Variants in R3HDM2 observed in about 807,000 individuals in gnomAD.
R3HDM2 encodes R3H domain containing 2, also known as R3H domain-containing protein 2.
Under a neutral mutation model 124.5 loss-of-function variants are expected in R3HDM2, and 38 were observed. That is an observed-to-expected ratio of 0.31 (90% CI 0.24 to 0.40). The LOEUF (loss-of-function observed/expected upper bound fraction) is 0.40, where lower values mean the gene tolerates loss of function less well. Among genes scored for constraint, R3HDM2 ranks in the 10% least tolerant of loss-of-function variants. R3HDM2 has a pLI of 1.00. For synonymous variants in R3HDM2, 391 were observed against 448.0 expected (o/e 0.87, Z 1.61); for missense variants, 869 against 1,236.9 (o/e 0.70, Z 4.46).
intron 2 of R3HDM2, among the ~76,000 whole-genome samples, chr12:57,383,547 CA>C (rs902276052): frequency 3.0e-4 from 43 of 142,466 alleles, no homozygotes; most frequent in Middle Eastern, 3.6e-3. Flanking sequence ...TACAAAAATA[CA>C]AAAAAAAAAA....
chr12:57,340,759 A>G (rs1252724745), intron 2 of R3HDM2, among the ~76,000 whole-genome samples: 3 of 152,180 alleles, frequency 2.0e-5, no homozygotes, highest in African/African-American at 7.2e-5. Flanking sequence ...CTAAACACAC[A>G]TTGACAGATA....
At chr12:57,430,488 T>TCCCCCCCCCCCCCCCCCCCCCC in intron 1 of R3HDM2, 1 of 319,632 alleles carries the variant, frequency 3.1e-6, no homozygotes, top group Non-Finnish European at 4.4e-6. Context: ...GCCACCCCCC[T>TCCCCCCCCCCCCCCCCCCCCCC]GCCCCCGCAC....
At chr12:57,285,697 G>T (rs1171311042) in intron 12 of R3HDM2, among the ~76,000 whole-genome samples, 2 of 152,166 alleles carry the variant, frequency 1.3e-5, no homozygotes, top group African/African-American at 4.8e-5. Context: ...AAATGAGTGT[G>T]TTTGTGGGGT....
chr12:57,415,925 T>G (rs899987947), intron 1 of R3HDM2, among the ~76,000 whole-genome samples: 1 of 152,134 alleles, frequency 6.6e-6, no homozygotes, highest in Non-Finnish European at 1.5e-5. Flanking sequence ...ATACAACAAT[T>G]AAATGCAACA....
In R3HDM2 at chr12:57,402,408, A is replaced by G. The variant is rs148949441; in HGVS notation, c.-105-6590T>C. ...CTGTCGCTCAGGCTGGAGTGCAGTG[A>G]CGCCATTTCAGCTCATTGCAACCTC... On this transcript the variant is annotated intron_variant, in intron 1 of 23. Coordinates refer to ENST00000402412, the MANE Select transcript of R3HDM2 (RefSeq NM_001394031.1). 2.0e-4 allele frequency among the ~76,000 whole-genome samples: 30 copies of G among 152,206 alleles called. 1 individual carries two copies. In the East Asian group the frequency reaches 5.8e-3, roughly 29 times the overall value.
At chr12:57,427,654 A>G (rs1868281854) in intron 1 of R3HDM2, among the ~76,000 whole-genome samples, 1 of 150,610 alleles carries the variant, frequency 6.6e-6, no homozygotes, top group Non-Finnish European at 1.5e-5. Flanking sequence ...CTGGCCCTGA[A>G]GCTTTCTACT....
intron 9 of R3HDM2, 37 bp from the exon 10 acceptor site, chr12:57,295,544 C>G: frequency 1.4e-6 from 2 of 1,456,930 alleles, no homozygotes; most frequent in Non-Finnish European, 1.9e-6. Context: ...GAAAGGAGGA[C>G]AAAGACCGTT....
At chr12:57,319,256 G>A (rs897033655) in intron 2 of R3HDM2, among the ~76,000 whole-genome samples, 2 of 151,980 alleles carry the variant, frequency 1.3e-5, no homozygotes, top group South Asian at 2.1e-4. Flanking sequence ...GGCTGGTCTC[G>A]AACTCCTGAC....
At position 57,366,137 on chromosome 12, in the gene R3HDM2, T is replaced by C. The variant is rs140419204; in HGVS notation, c.-36+29612A>G. ...GTTGTTCCACTGCTCACTGACACTC[T>C]TCACTTATTTTTTTGTCTATCTATG... On this transcript the variant is annotated intron_variant, in intron 2 of 23. Transcript: ENST00000402412. Among the ~76,000 whole-genome samples the C allele has an allele frequency of 4.0e-4, 61 of 152,272 alleles. No homozygotes were observed. The East Asian group carries it at 7.9e-3, about 20-fold the overall frequency.
intron 1 of R3HDM2, among the ~76,000 whole-genome samples, chr12:57,413,050 G>A (rs912160343): frequency 5.3e-5 from 8 of 152,060 alleles, no homozygotes; most frequent in African/African-American, 1.7e-4. Flanking sequence ...CTACTTAGGA[G>A]GCTGAGGCAG....
chr12:57,378,522 C>T (rs2064389957), intron 2 of R3HDM2, among the ~76,000 whole-genome samples: 1 of 152,142 alleles, frequency 6.6e-6, no homozygotes, highest in African/African-American at 2.4e-5. Flanking sequence ...AGACTACAGG[C>T]ATATGCCACC....
chr12:57,397,059 C>T (rs1037815657), intron 1 of R3HDM2, among the ~76,000 whole-genome samples: 1 of 151,960 alleles, frequency 6.6e-6, no homozygotes, highest in Non-Finnish European at 1.5e-5. Flanking sequence ...CACCATTGCA[C>T]TCCAGCCTGG....
intron 2 of R3HDM2, among the ~76,000 whole-genome samples, chr12:57,370,777 ATAGTAAATTTAGTC>A (rs1027170557): frequency 7.9e-5 from 12 of 152,344 alleles, no homozygotes; most frequent in African/African-American, 2.9e-4. Flanking sequence ...CAAGGGAAAA[ATAGTAAATTTAGTC>A]TAGTTTGACT....
intron 14 of R3HDM2, among the ~76,000 whole-genome samples, chr12:57,279,323 C>T (rs1327678831): frequency 1.3e-5 from 2 of 151,176 alleles, no homozygotes; most frequent in East Asian, 2.0e-4. Flanking sequence ...GCTGGGATTA[C>T]AGGCACCCGC....
intron 1 of R3HDM2, among the ~76,000 whole-genome samples, chr12:57,426,757 T>C (rs1181408374): frequency 2.0e-5 from 3 of 152,262 alleles, no homozygotes; most frequent in Middle Eastern, 6.8e-3. Flanking sequence ...GCACGAGATG[T>C]TTGTCCAAAG....
intron 2 of R3HDM2, among the ~76,000 whole-genome samples, chr12:57,354,849 G>A (rs1340972194): frequency 6.6e-6 from 1 of 151,932 alleles, no homozygotes; most frequent in Non-Finnish European, 1.5e-5. Context: ...TTTCGAGACA[G>A]GGTCTTGCTC....
At position 57,428,749 on chromosome 12, in the gene R3HDM2, T is replaced by TTA. The variant is rs1491231200; in HGVS notation, c.-106+1970_-106+1971insTA. Among the ~76,000 whole-genome samples, 474 of 113,590 alleles carry TTA rather than the reference T, an allele frequency of 4.2e-3. 3 individuals are homozygous for TTA. The highest frequency in any genetic ancestry group is 5.7e-3 in the South Asian group (18 of 3,168). The allele number at this position is 113,590 out of a possible 152,430, so 74.5% of individuals were successfully genotyped here. On this transcript the variant is annotated intron_variant, in intron 1 of 23. Coordinates refer to ENST00000402412, the MANE Select transcript of R3HDM2 (RefSeq NM_001394031.1). ...TTAAAAAATATTAGGCATGCTATTATTTTTTTTTTTTTTTTGAGACAGTCT... is the reference window on the plus strand; with the variant it reads ...TTAAAAAATATTAGGCATGCTATTATTATTTTTTTTTTTTTTTGAGACAGTCT...
At chr12:57,344,925 T>C (rs1194499396) in intron 2 of R3HDM2, among the ~76,000 whole-genome samples, 1 of 151,976 alleles carries the variant, frequency 6.6e-6, no homozygotes, top group Non-Finnish European at 1.5e-5. Flanking sequence ...CTTTCCACCT[T>C]CCTGGTTCAA....
chr12:57,422,086 C>T (rs773310185), intron 1 of R3HDM2, among the ~76,000 whole-genome samples: 5 of 133,634 alleles, frequency 3.7e-5, no homozygotes, highest in Admixed American at 8.1e-5. Flanking sequence ...AGGGAGACTC[C>T]GCCTAGCAAA....
Sources: allele counts gnomAD v4.1 joint callset (sites outside exome capture counted in the v4.1 genomes callset), GRCh38; gene constraint gnomAD v4.1.1; transcripts MANE v1.5; gene names NCBI Gene and HGNC (gene_info 2026-07-23, HGNC 2026-07-21).